Variants in GANC observed in about 807,000 individuals in gnomAD.
GANC encodes the protein glucosidase alpha, neutral C.
GANC carries 117 observed loss-of-function variants against 124.2 expected under a neutral mutation model. The observed-to-expected ratio is 0.94, with a 90% CI of 0.81 to 1.10. GANC has a LOEUF of 1.10. Among genes scored for constraint, GANC ranks in the 50% least tolerant of loss-of-function variants. GANC has a pLI of 0.00. For synonymous variants in GANC, 377 were observed against 376.8 expected, an observed-to-expected ratio of 1.00 and a Z score of -0.01; for missense variants, 1,140 against 1,095.0, an observed-to-expected ratio of 1.04 and a Z score of -0.58.
chr15:42,281,580 AAGGCTG>A (rs1364661471), intron 3 of GANC, among the ~76,000 whole-genome samples: 3 of 151,984 alleles, frequency 2.0e-5, no homozygotes, highest in Non-Finnish European at 4.4e-5. Context: ...AGCTACTCCA[AAGGCTG>A]AGACATGAGA....
chr15:42,318,087 C>T (rs956617227), intron 10 of GANC, among the ~76,000 whole-genome samples: 2 of 152,186 alleles, frequency 1.3e-5, no homozygotes, highest in Non-Finnish European at 2.9e-5. Context: ...TCCCTGGAGA[C>T]TTCCTTCCCT....
intron 6 of GANC, among the ~76,000 whole-genome samples, chr15:42,303,879 G>A (rs2051970260): frequency 1.3e-5 from 2 of 152,112 alleles, no homozygotes; most frequent in East Asian, 1.9e-4. Flanking sequence ...CCTACAAAGA[G>A]ACTTAGACTT....
chr15:42,281,521 C>G (rs925933933), intron 3 of GANC, among the ~76,000 whole-genome samples: 3 of 152,054 alleles, frequency 2.0e-5, no homozygotes, highest in African/African-American at 7.2e-5. Context: ...CCCATCTCTA[C>G]TAAAAATACA....
At position 42,339,864 on chromosome 15, in the gene GANC, G is replaced by C; in HGVS notation, c.2039G>C (p.Trp680Ser). Residue 680 changes from tryptophan to serine, a missense_variant, in exon 17 of 24, where the codon TGG (tryptophan) becomes TCG (serine). Coordinates refer to ENST00000318010, the MANE Select transcript of GANC (RefSeq NM_198141.3). ...GAGCGCTATGGCCTCCTGCCATATTGGTATTCTCTGTTCTACCATGCACAC... is the reference window on the plus strand; with the variant it reads ...GAGCGCTATGGCCTCCTGCCATATTCGTATTCTCTGTTCTACCATGCACAC... Reference protein sequence around the residue: ...IRERYGLLPYWYSLFYHAHVA... With the variant: ...IRERYGLLPYSYSLFYHAHVA... 6.2e-7 allele frequency: 1 copy of C among 1,614,094 alleles called. No homozygotes were observed. Among genetic ancestry groups the C allele is most frequent in the Admixed American group, 1.7e-5 (1 of 60,014 alleles).
intron 11 of GANC, among the ~76,000 whole-genome samples, chr15:42,323,742 A>T (rs1160754143): frequency 6.6e-6 from 1 of 152,106 alleles, no homozygotes; most frequent in African/African-American, 2.4e-5. Context: ...ACTTCAGGTG[A>T]TCCGCCCACC....
intron 8 of GANC, among the ~76,000 whole-genome samples, chr15:42,308,874 A>G (rs1251431323): frequency 6.6e-6 from 1 of 152,164 alleles, no homozygotes; most frequent in Admixed American, 6.5e-5. Flanking sequence ...AGGAAGTAAA[A>G]TTATGGAGCT....
intron 10 of GANC, among the ~76,000 whole-genome samples, chr15:42,318,144 A>T (rs1268432485): frequency 6.6e-6 from 1 of 152,092 alleles, no homozygotes; most frequent in Non-Finnish European, 1.5e-5. Flanking sequence ...ATTGTTCTCT[A>T]GGTTCCCTGC....
chr15:42,285,696 G>A (rs1401258444), intron 3 of GANC, among the ~76,000 whole-genome samples: 1 of 152,178 alleles, frequency 6.6e-6, no homozygotes, highest in African/African-American at 2.4e-5. Flanking sequence ...TCAGGAGGCT[G>A]AGGCACAAGA....
At chr15:42,328,628 T>G (rs934386041) in intron 13 of GANC, among the ~76,000 whole-genome samples, 1 of 152,078 alleles carries the variant, frequency 6.6e-6, no homozygotes, top group Non-Finnish European at 1.5e-5. Context: ...GGGAATGTTA[T>G]ATACAAGGAG....
In GANC at chr15:42,326,414, G is replaced by A; in HGVS notation, c.1410G>A (p.Val470=). 1 of 1,613,966 alleles carries A rather than the reference G, an allele frequency of 6.2e-7. No individual in the cohort carries two copies. Among genetic ancestry groups the A allele is most frequent in the Non-Finnish European group, 8.5e-7 (1 of 1,179,878 alleles). Residue 470 remains valine (V), a synonymous_variant, in exon 12 of 24, where the codon GTG becomes GTA. Coordinates refer to ENST00000318010, the MANE Select transcript of GANC (RefSeq NM_198141.3). The part of the protein sequence containing the change: ...KNQEGEDFEG[V]CWPGLSSYLD... ...AGGAAGGGGAAGACTTTGAAGGGGT[G>A]TGTTGGCCAGGTATGAAATCACTTT...
intron 10 of GANC, among the ~76,000 whole-genome samples, chr15:42,315,283 A>G (rs1462518745): frequency 1.3e-5 from 2 of 152,216 alleles, no homozygotes; most frequent in African/African-American, 4.8e-5. Flanking sequence ...ATCTTTACCA[A>G]ATTCTTAAAC....
At position 42,331,524 on chromosome 15, in the gene GANC, G is replaced by A. The variant is rs570489206; in HGVS notation, c.1741+852G>A. 7.9e-5 allele frequency among the ~76,000 whole-genome samples: 12 copies of A among 152,294 alleles called. No homozygotes were observed. In the South Asian group the frequency reaches 2.3e-3, roughly 29 times the overall value. ...CCTGGCCTTGCATAAGCAACGGAGA[G>A]CTTAGATCCTAGTTTAAAGAATCCA... On this transcript the variant is annotated intron_variant, in intron 15 of 23. Transcript: ENST00000318010.
intron 16 of GANC, among the ~76,000 whole-genome samples, 195 bp downstream of exon 16, chr15:42,338,685 G>T (rs558241251): frequency 1.3e-5 from 2 of 152,290 alleles, no homozygotes; most frequent in African/African-American, 2.4e-5. Flanking sequence ...TTTCTATCTG[G>T]TCTCTGTTGA....
chr15:42,306,789 A>T (rs1318968774), intron 7 of GANC, among the ~76,000 whole-genome samples, 177 bp downstream of exon 7: 1 of 152,214 alleles, frequency 6.6e-6, no homozygotes, highest in Non-Finnish European at 1.5e-5. Context: ...AATAGCAATT[A>T]TTTGCCTTTT....
chr15:42,347,157 T>G (rs1388462511), intron 20 of GANC, among the ~76,000 whole-genome samples: 4 of 150,358 alleles, frequency 2.7e-5, no homozygotes, highest in Non-Finnish European at 4.4e-5. Context: ...TCACTCTAAC[T>G]TATGGCCTTG....
chr15:42,300,423 A>G (rs965317452), intron 6 of GANC, among the ~76,000 whole-genome samples: 11 of 152,196 alleles, frequency 7.2e-5, no homozygotes, highest in Non-Finnish European at 1.6e-4. Flanking sequence ...CACCAGTCAG[A>G]ATGATGATTA....
intron 10 of GANC, 141 bp from the exon 11 acceptor site, chr15:42,321,644 G>T: frequency 1.4e-6 from 1 of 727,476 alleles, no homozygotes; most frequent in East Asian, 2.7e-5. Flanking sequence ...TTCCTTAAAG[G>T]CAAGGACTGT....
intron 11 of GANC, among the ~76,000 whole-genome samples, chr15:42,322,952 A>G (rs1162311058): frequency 6.6e-6 from 1 of 152,192 alleles, no homozygotes; most frequent in Non-Finnish European, 1.5e-5. Context: ...TTTTCAACCC[A>G]TTCCTTTGAC....
In GANC at chr15:42,287,731, T is replaced by C. The variant is rs2051804420; in HGVS notation, c.242T>C (p.Ile81Thr). The C allele has an allele frequency of 1.2e-6, 2 of 1,613,028 alleles. No homozygotes were observed. The highest frequency in any genetic ancestry group is 2.7e-5 in the African/African-American group (2 of 74,952). The stretch of plus-strand genomic sequence containing the variant: ...GAAATTTATGGTATAGAAGGAAACA[T>C]TTTCAGGCTTAAAATTAATGAAGAG... Reference protein sequence around the residue: ...LAEIYGIEGNIFRLKINEETP... With the variant: ...LAEIYGIEGNTFRLKINEETP... Residue 81 changes from isoleucine to threonine, a missense_variant, in exon 4 of 24, where the codon ATT becomes ACT. Ile to Thr is a moderately conservative substitution (Grantham distance 89, BLOSUM62 -1). Coordinates refer to ENST00000318010, the MANE Select transcript of GANC (RefSeq NM_198141.3).
Sources: gnomAD v4.1 joint callset for allele counts (sites outside exome capture counted in the v4.1 genomes callset) on GRCh38, gnomAD v4.1.1 for gene constraint, MANE v1.5 for transcripts, NCBI Gene and HGNC (gene_info 2026-07-23, HGNC 2026-07-21) for gene names.